SETBP1: variants seen among roughly 807,000 people sequenced by gnomAD.
SETBP1 encodes the protein SET binding protein 1.
A neutral mutation model predicts 101.0 loss-of-function variants in SETBP1; 9 were observed. That is an observed-to-expected ratio of 0.09 (90% CI 0.05 to 0.16). The LOEUF (loss-of-function observed/expected upper bound fraction) is 0.16, where lower values mean the gene tolerates loss of function less well. Among genes scored for constraint, SETBP1 ranks in the 10% least tolerant of loss-of-function variants. The probability of loss-of-function intolerance (pLI) is 1.00; values close to 1 mark genes in which losing one functional copy is unlikely to be tolerated. For synonymous variants in SETBP1, 818 were observed against 788.5 expected, an observed-to-expected ratio of 1.04 and a Z score of -0.63; for missense variants, 1,858 against 2,033.8, an observed-to-expected ratio of 0.91 and a Z score of 1.66.
Position 44,950,254 on chromosome 18 carries a change from C to G in SETBP1, c.914C>G (p.Ser305Cys). The change falls in exon 4 of 6, where the codon TCT (serine) becomes TGT (cysteine). Residue 305 changes from serine (S) to cysteine (C), a missense_variant. By Grantham distance (112) the Ser-to-Cys change is moderately radical. Transcript: ENST00000649279. Reference sequence around the variant, plus strand: ...AGCTCACCAGCCCCACCCAGCAGCTCTGCTGAGTGCAACGGGCTTCAGCCC... The same window carrying G: ...AGCTCACCAGCCCCACCCAGCAGCTGTGCTGAGTGCAACGGGCTTCAGCCC... Reference protein sequence around the residue: ...SHSSPAPPSSSAECNGLQPLV... With the variant: ...SHSSPAPPSSCAECNGLQPLV... 6.2e-7 allele frequency: 1 copy of G among 1,614,068 alleles called. No individual in the cohort carries two copies.
intron 2 of SETBP1, among the ~76,000 whole-genome samples, chr18:44,734,049 T>C (rs1220342148): frequency 6.6e-6 from 1 of 152,130 alleles, no homozygotes; most frequent in Non-Finnish European, 1.5e-5. Context: ...AGTCACACAC[T>C]GAAGCAAATG....
chr18:44,741,113 T>C (rs187986150), intron 2 of SETBP1, among the ~76,000 whole-genome samples: 164 of 152,320 alleles, frequency 1.1e-3, no homozygotes, highest in African/African-American at 3.7e-3. Flanking sequence ...TTCAGTATAA[T>C]ATATTTTCAT....
intron 4 of SETBP1, among the ~76,000 whole-genome samples, chr18:44,979,997 G>C (rs2072076724): frequency 1.3e-5 from 2 of 152,208 alleles, no homozygotes; most frequent in Non-Finnish European, 2.9e-5. Flanking sequence ...TGTTGATCCA[G>C]TGTCACTGTG....
chr18:45,063,007 T>A, intron 5 of SETBP1, 72 bp from the exon 6 acceptor site: 1 of 1,603,978 alleles, frequency 6.2e-7, no homozygotes, highest in South Asian at 1.1e-5. Flanking sequence ...GAATGCTAGC[T>A]GTCAGTGAAG....
At chr18:44,820,839 T>C (rs1329987219) in intron 2 of SETBP1, among the ~76,000 whole-genome samples, 1 of 152,178 alleles carries the variant, frequency 6.6e-6, no homozygotes, top group Admixed American at 6.5e-5. Context: ...GTCTCTGAGT[T>C]CAAGGAGCTC....
intron 3 of SETBP1, among the ~76,000 whole-genome samples, chr18:44,872,317 T>G (rs1397601356): frequency 2.0e-5 from 3 of 152,178 alleles, no homozygotes; most frequent in African/African-American, 7.2e-5. Flanking sequence ...CCCTATCATT[T>G]CACCTCAGAA....
intron 3 of SETBP1, among the ~76,000 whole-genome samples, chr18:44,887,589 A>G (rs968042380): frequency 2.0e-5 from 3 of 152,196 alleles, no homozygotes; most frequent in Admixed American, 2.0e-4. Flanking sequence ...TCTGTTCTCA[A>G]CTAAGTCCTT....
chr18:44,888,200 A>G (rs2069692134), intron 3 of SETBP1, among the ~76,000 whole-genome samples: 1 of 152,072 alleles, frequency 6.6e-6, no homozygotes, highest in South Asian at 2.1e-4. Context: ...AGTTGAGCCT[A>G]AAGCCATGCA....
chr18:44,876,482 G>A (rs1299334994), intron 3 of SETBP1: 6 of 936,260 alleles, frequency 6.4e-6, no homozygotes, highest in Non-Finnish European at 1.0e-5. Context: ...CCTGTAGTGT[G>A]GATTGAATTG....
At chr18:44,817,545 C>T (rs774808903) in intron 2 of SETBP1, among the ~76,000 whole-genome samples, 21 of 152,032 alleles carry the variant, frequency 1.4e-4, no homozygotes, top group Non-Finnish European at 2.8e-4. Context: ...ATTAGCTGGG[C>T]GTGGTGGCAG....
At chr18:44,753,521 C>G (rs1383859298) in intron 2 of SETBP1, among the ~76,000 whole-genome samples, 1 of 152,152 alleles carries the variant, frequency 6.6e-6, no homozygotes, top group Admixed American at 6.5e-5. Context: ...AGAAATACAC[C>G]ATTATGGAGC....
At chr18:44,813,327 A>G (rs544981882) in intron 2 of SETBP1, among the ~76,000 whole-genome samples, 39 of 152,308 alleles carry the variant, frequency 2.6e-4, no homozygotes, top group African/African-American at 9.1e-4. Context: ...TTTCCTGGGA[A>G]GTAGAAGGGC....
intron 2 of SETBP1, among the ~76,000 whole-genome samples, chr18:44,796,407 T>C (rs536136214): frequency 4.9e-4 from 75 of 152,190 alleles, no homozygotes; most frequent in Non-Finnish European, 9.3e-4. Flanking sequence ...TCTAGACCAG[T>C]GCTTGTCCAT....
intron 2 of SETBP1, among the ~76,000 whole-genome samples, chr18:44,855,351 A>AT (rs2144607585): frequency 6.6e-6 from 1 of 152,264 alleles, no homozygotes; most frequent in South Asian, 2.1e-4. Flanking sequence ...TCCTAAAAAA[A>AT]TAAATATTTA....
chr18:44,938,766 T>G lies in SETBP1; in HGVS notation c.541-11115T>G, dbSNP rs374199109. Reference sequence around the variant, plus strand: ...GAGGAGAGGAGAGAACAATGGTGTTTACAGAAGCCACCAGCACCTGTCTTC... The same window carrying G: ...GAGGAGAGGAGAGAACAATGGTGTTGACAGAAGCCACCAGCACCTGTCTTC... On this transcript the variant is annotated intron_variant, in intron 3 of 5. Transcript: ENST00000649279. Among the ~76,000 whole-genome samples, 137 of 152,346 alleles carry G rather than the reference T, an allele frequency of 9.0e-4. 2 individuals carry two copies. The South Asian group carries it at 0.014, about 15-fold the overall frequency.
At chr18:44,846,752 C>A (rs2072732480) in intron 2 of SETBP1, among the ~76,000 whole-genome samples, 1 of 152,234 alleles carries the variant, frequency 6.6e-6, no homozygotes, top group Non-Finnish European at 1.5e-5. Flanking sequence ...ATTAGGATGT[C>A]TGCCTCCAAA....
chr18:44,913,560 C>T (rs151068992), intron 3 of SETBP1, among the ~76,000 whole-genome samples: 28 of 152,284 alleles, frequency 1.8e-4, no homozygotes, highest in Non-Finnish European at 3.4e-4. Flanking sequence ...ATGTAGGGCA[C>T]GAAGGGCCTG....
intron 3 of SETBP1, among the ~76,000 whole-genome samples, chr18:44,879,723 G>A (rs567977500): frequency 1.3e-5 from 2 of 152,176 alleles, no homozygotes; most frequent in Non-Finnish European, 2.9e-5. Context: ...TGGGAGAATG[G>A]CCCTAGGAGA....
chr18:45,057,375 G>GATAA (rs1479222830), intron 5 of SETBP1, among the ~76,000 whole-genome samples: 2 of 151,940 alleles, frequency 1.3e-5, no homozygotes, highest in Non-Finnish European at 2.9e-5. Context: ...TACAAAGTAA[G>GATAA]ATAAATAAAT....
Sources: gnomAD v4.1 joint callset for allele counts (sites outside exome capture counted in the v4.1 genomes callset) on GRCh38, gnomAD v4.1.1 for gene constraint, MANE v1.5 for transcripts, NCBI Gene and HGNC (gene_info 2026-07-23, HGNC 2026-07-21) for gene names.